The following DPP6 variants were observed in gnomAD, a reference collection of about 807,000 sequenced individuals.
The protein encoded by DPP6 is A-type potassium channel modulatory protein DPP6.
In DPP6, 69 loss-of-function variants were observed where a neutral mutation model predicts 122.6. That is an observed-to-expected ratio of 0.56 (90% CI 0.46 to 0.69). The LOEUF (loss-of-function observed/expected upper bound fraction) is 0.69. Ranked by LOEUF, DPP6 falls within the 30% of genes least tolerant of loss-of-function variation. DPP6 has a pLI of 0.00. For synonymous variants in DPP6, 418 were observed against 433.1 expected (o/e 0.97, Z 0.43); for missense variants, 928 against 1,116.9 (o/e 0.83, Z 2.41).
intron 1 of DPP6, among the ~76,000 whole-genome samples, chr7:154,071,116 C>T (rs2533707): frequency 1.3e-5 from 2 of 150,738 alleles, no homozygotes; most frequent in Non-Finnish European, 3.0e-5. Flanking sequence ...GCAAACAAAA[C>T]GTCTCAATCA....
chr7:153,922,009 C>A (rs7795571), intron 1 of DPP6, among the ~76,000 whole-genome samples: 1 of 152,034 alleles, frequency 6.6e-6, no homozygotes. Context: ...CTATCAGAGC[C>A]GACGGCTTTG....
chr7:154,339,632 C>A (rs1809745722), intron 1 of DPP6, among the ~76,000 whole-genome samples: 1 of 63,362 alleles, frequency 1.6e-5, no homozygotes, highest in Non-Finnish European at 2.6e-5. Context: ...GCTGCTTAAA[C>A]ACACTAGTTT....
intron 1 of DPP6, among the ~76,000 whole-genome samples, chr7:154,203,131 A>C (rs1178384263): frequency 6.6e-6 from 1 of 152,202 alleles, no homozygotes; most frequent in Non-Finnish European, 1.5e-5. Flanking sequence ...AATCATAACA[A>C]TACATTTTGG....
the DPP6 span, among the ~76,000 whole-genome samples, chr7:153,881,733 C>T: frequency 6.6e-6 from 1 of 152,140 alleles, no homozygotes; most frequent in Non-Finnish European, 1.5e-5. Context: ...GCTCTGCTTC[C>T]AGGTGATAGT....
chr7:154,892,294 G>A (rs1301543249), intron 25 of DPP6, 40 bp from the exon 26 acceptor site: 7 of 1,613,464 alleles, frequency 4.3e-6, no homozygotes, highest in Non-Finnish European at 5.1e-6. Context: ...CCTGGGGAGC[G>A]TATACCTGGG....
intron 1 of DPP6, chr7:154,093,909 T>TA (rs1423685205): frequency 1.7e-4 from 26 of 152,324 alleles, no homozygotes; most frequent in African/African-American, 6.0e-4. Context: ...GTGTGCCCCT[T>TA]ACAGTGTGTT....
chr7:154,163,488 T>C (rs936331676), intron 1 of DPP6, among the ~76,000 whole-genome samples: 1 of 152,266 alleles, frequency 6.6e-6, no homozygotes, highest in Non-Finnish European at 1.5e-5. Context: ...TCGACAATTA[T>C]GTGTTAGACA....
chr7:154,757,395 A>C (rs1795198424), intron 8 of DPP6, among the ~76,000 whole-genome samples: 1 of 152,236 alleles, frequency 6.6e-6, no homozygotes, highest in African/African-American at 2.4e-5. Flanking sequence ...TGTTCAGTGC[A>C]CTGAAAAGTT....
chr7:154,655,546 A>G (rs1376249358), intron 6 of DPP6, among the ~76,000 whole-genome samples: 1 of 152,258 alleles, frequency 6.6e-6, no homozygotes, highest in Non-Finnish European at 1.5e-5. Context: ...GGGCCACTAC[A>G]TAGCCCCAAA....
chr7:154,036,151 C>T (rs139784931), intron 1 of DPP6, among the ~76,000 whole-genome samples: 1,743 of 151,754 alleles, frequency 0.011, 59 homozygotes, highest in African/African-American at 0.04. Context: ...ACTCTGTTAC[C>T]CAGGCTGGAG....
intron 1 of DPP6, among the ~76,000 whole-genome samples, chr7:154,334,573 T>C (rs1472813860): frequency 6.6e-6 from 1 of 152,134 alleles, no homozygotes. Context: ...GCGATCACTC[T>C]CGAGATTCAG....
intron 1 of DPP6, among the ~76,000 whole-genome samples, chr7:153,956,055 G>C (rs773600434): frequency 6.6e-6 from 1 of 152,240 alleles, no homozygotes; most frequent in Non-Finnish European, 1.5e-5. Context: ...CCAGTTCACA[G>C]CTGCAAAAGT....
chr7:153,903,915 G>A (rs1345021341), intron 1 of DPP6, among the ~76,000 whole-genome samples: 2 of 152,184 alleles, frequency 1.3e-5, no homozygotes, highest in Non-Finnish European at 2.9e-5. Flanking sequence ...AGGGTTGAGG[G>A]ACTTTTGGTG....
Position 154,746,188 on chromosome 7 carries a change from A to T in DPP6, c.883+18301A>T, listed in dbSNP as rs1245147886. ...AGCTGGGTCTTCTCTTTGTGGGGAG[A>T]CATGTCATTGGGCCTCTGAGTTCCA... is the stretch of plus-strand genomic sequence containing the variant. On this transcript the variant is annotated intron_variant, in intron 8 of 25. Transcript: ENST00000377770. 4.6e-5 allele frequency among the ~76,000 whole-genome samples: 7 copies of T among 152,164 alleles called. No homozygotes were observed. The East Asian group carries it at 1.3e-3, about 29-fold the overall frequency.
chr7:154,744,999 C>A (rs1842973359), intron 8 of DPP6, among the ~76,000 whole-genome samples: 1 of 152,238 alleles, frequency 6.6e-6, no homozygotes, highest in Non-Finnish European at 1.5e-5. Flanking sequence ...AGATGACAAT[C>A]TGCAATACTG....
intron 8 of DPP6, among the ~76,000 whole-genome samples, chr7:154,733,122 A>T (rs1382244260): frequency 6.6e-6 from 1 of 152,110 alleles, no homozygotes; most frequent in Non-Finnish European, 1.5e-5. Context: ...CCCAAGAGAG[A>T]CTGTCTTCAC....
At chr7:153,784,732 C>G in the DPP6 span, among the ~76,000 whole-genome samples, 3 of 151,978 alleles carry the variant, frequency 2.0e-5, no homozygotes, top group African/African-American at 7.3e-5. Flanking sequence ...AATAGACCTC[C>G]CAAAAAAAGA....
At chr7:154,272,687 T>C (rs924405011) in intron 1 of DPP6, among the ~76,000 whole-genome samples, 1 of 152,138 alleles carries the variant, frequency 6.6e-6, no homozygotes, top group African/African-American at 2.4e-5. Flanking sequence ...GTGAGGCCAT[T>C]AAAGTCCTTA....
At chr7:153,867,832 C>T in the DPP6 span, among the ~76,000 whole-genome samples, 1 of 152,124 alleles carries the variant, frequency 6.6e-6, no homozygotes, top group Non-Finnish European at 1.5e-5. Context: ...CCCATCAATA[C>T]CTAATTTATT....
Sources: allele counts gnomAD v4.1 joint callset (sites outside exome capture counted in the v4.1 genomes callset), GRCh38; gene constraint gnomAD v4.1.1; transcripts MANE v1.5; gene names NCBI Gene and HGNC (gene_info 2026-07-23, HGNC 2026-07-21).